The following ASCC2 variants were observed in gnomAD, a reference collection of about 807,000 sequenced individuals.
ASCC2 encodes activating signal cointegrator 1 complex subunit 2.
Under a neutral mutation model 93.5 loss-of-function variants are expected in ASCC2, and 42 were observed. The ratio of observed to expected loss-of-function variants is 0.45; its 90% CI spans 0.35 to 0.58. ASCC2 has a LOEUF of 0.58. Among genes scored for constraint, ASCC2 ranks in the 20% least tolerant of loss-of-function variants. ASCC2 has a pLI of 0.00. For missense variants in ASCC2, 859 were observed against 977.6 expected, an observed-to-expected ratio of 0.88 and a Z score of 1.62; for synonymous variants, 364 against 384.2, an observed-to-expected ratio of 0.95 and a Z score of 0.62.
intron 5 of ASCC2, among the ~76,000 whole-genome samples, chr22:29,820,451 C>A (rs1894704056): frequency 1.3e-5 from 2 of 151,846 alleles, no homozygotes; most frequent in African/African-American, 4.8e-5. Context: ...CGTGAGCCAC[C>A]TCGCCTGGCT....
intron 2 of ASCC2, among the ~76,000 whole-genome samples, chr22:29,829,985 T>A (rs1382581671): frequency 6.6e-6 from 1 of 152,156 alleles, no homozygotes. Context: ...GGTGGACACA[T>A]ATCTTAGTAC....
At chr22:29,826,187 G>A (rs1468608927) in intron 2 of ASCC2, 1 of 158,804 alleles carries the variant, frequency 6.3e-6, no homozygotes, top group Admixed American at 6.1e-5. Context: ...TAAAAAAGAA[G>A]CTGGGGAGAT....
chr22:29,818,353 G>A (rs1175024957), intron 5 of ASCC2, among the ~76,000 whole-genome samples: 1 of 151,530 alleles, frequency 6.6e-6, no homozygotes, highest in Non-Finnish European at 1.5e-5. Context: ...ATGTGTGTGT[G>A]AGAGAGACAG....
At chr22:29,789,222 G>T in intron 19 of ASCC2, 38 bp from the exon 20 acceptor site, 1 of 1,612,648 alleles carries the variant, frequency 6.2e-7, no homozygotes, top group African/African-American at 1.3e-5. Context: ...GAACCTGTCA[G>T]CCGGAAGAGG....
chr22:29,829,449 G>A (rs1415534049), intron 2 of ASCC2, among the ~76,000 whole-genome samples: 2 of 151,942 alleles, frequency 1.3e-5, no homozygotes, highest in African/African-American at 4.8e-5. Context: ...CTGACTGGAC[G>A]TGGTGGCTCA....
At chr22:29,836,783 C>A (rs2063847196) in intron 1 of ASCC2, among the ~76,000 whole-genome samples, 1 of 152,136 alleles carries the variant, frequency 6.6e-6, no homozygotes, top group Middle Eastern at 3.2e-3. Context: ...GAACTCCTGA[C>A]CTCAGGTGAT....
intron 18 of ASCC2, among the ~76,000 whole-genome samples, chr22:29,791,523 T>C (rs1395494853): frequency 6.6e-6 from 1 of 150,880 alleles, no homozygotes; most frequent in Non-Finnish European, 1.5e-5. Context: ...TTACTGAAAA[T>C]ACAAAAAATT....
chr22:29,797,509 A>G (rs1003179556), intron 15 of ASCC2, among the ~76,000 whole-genome samples: 5 of 152,216 alleles, frequency 3.3e-5, no homozygotes, highest in African/African-American at 9.6e-5. Context: ...CTCCTGATTC[A>G]GGTCTGCTTT....
At chr22:29,791,047 C>T (rs1356001373) in intron 18 of ASCC2, among the ~76,000 whole-genome samples, 1 of 152,036 alleles carries the variant, frequency 6.6e-6, no homozygotes, top group African/African-American at 2.4e-5. Context: ...GACCTAGGGA[C>T]CACAGACAGG....
intron 17 of ASCC2, among the ~76,000 whole-genome samples, 195 bp downstream of exon 17, chr22:29,793,165 G>A (rs561003405): frequency 1.5e-3 from 229 of 152,220 alleles, no homozygotes; most frequent in Non-Finnish European, 2.7e-3. Flanking sequence ...AAAGAAAAAC[G>A]CAAAGCTACT....
intron 1 of ASCC2, among the ~76,000 whole-genome samples, chr22:29,837,712 T>C (rs1215821628): frequency 6.6e-6 from 1 of 152,192 alleles, no homozygotes; most frequent in East Asian, 1.9e-4. Context: ...TGGCTCTGCC[T>C]ATAGTATCCA....
intron 1 of ASCC2, chr22:29,833,625 G>T (rs973447595): frequency 1.1e-5 from 5 of 470,936 alleles, no homozygotes; most frequent in Non-Finnish European, 2.2e-5. Context: ...CTGACCCACA[G>T]AAGGGACATA....
intron 19 of ASCC2, 54 bp from the exon 20 acceptor site, chr22:29,789,238 G>T: frequency 6.2e-7 from 1 of 1,605,410 alleles, no homozygotes. Flanking sequence ...AGAGGCTCTG[G>T]CGGGAGAGCC....
chr22:29,795,470 G>T (rs954110237), intron 15 of ASCC2, among the ~76,000 whole-genome samples: 1 of 152,118 alleles, frequency 6.6e-6, no homozygotes, highest in Non-Finnish European at 1.5e-5. Flanking sequence ...AAGCAGTAAG[G>T]CCACATGTGG....
At chr22:29,802,351 G>A in intron 13 of ASCC2, 143 bp from the exon 14 acceptor site, 1 of 752,842 alleles carries the variant, frequency 1.3e-6, no homozygotes, top group Non-Finnish European at 2.1e-6. Flanking sequence ...ACTTTGTCAA[G>A]TGACTCAAGT....
chr22:29,826,059 A>T (rs564450423), intron 2 of ASCC2: 1 of 287,298 alleles, frequency 3.5e-6, no homozygotes, highest in South Asian at 9.9e-5. Flanking sequence ...TAATATAATC[A>T]GTTTTCATTT....
At chr22:29,836,531 CGA>C (rs1850275849) in intron 1 of ASCC2, 2 of 151,962 alleles carry the variant, frequency 1.3e-5, no homozygotes, top group African/African-American at 2.4e-5. Context: ...TAATAAACCA[CGA>C]GAGAGCAAAC....
rs1249707647 is a variant in ASCC2 at position 29,822,422 on chromosome 22, T to C, written c.454A>G (p.Asn152Asp). 3.7e-6 allele frequency: 6 copies of C among 1,614,044 alleles called. No individual in the cohort carries two copies. The highest frequency in any genetic ancestry group is 5.1e-6 in the Non-Finnish European group (6 of 1,179,974). The stretch of plus-strand genomic sequence containing the variant: ...TTTGGAATGTCAAAGAGGAAGTTAT[T>C]GTAGAGGATTTCTCCAAACGCAGAA... The part of the protein sequence containing the change: ...SPSAFGEILY[N>D]NFLFDIPKIL... The change falls in exon 5 of 20, where the codon AAT (asparagine) becomes GAT (aspartate). Residue 152 changes from asparagine (N) to aspartate (D), a missense_variant. Transcript: ENST00000307790.
chr22:29,822,208 T>C (rs1044611231), intron 5 of ASCC2, 127 bp downstream of exon 5: 1 of 1,283,772 alleles, frequency 7.8e-7, no homozygotes, highest in African/African-American at 1.5e-5. Flanking sequence ...GTTAAGCAAT[T>C]TCCCAAGACT....
Sources: allele counts gnomAD v4.1 joint callset (sites outside exome capture counted in the v4.1 genomes callset), GRCh38; gene constraint gnomAD v4.1.1; transcripts MANE v1.5; gene names NCBI Gene and HGNC (gene_info 2026-07-23, HGNC 2026-07-21).